ANO10: variants seen among roughly 807,000 people sequenced by gnomAD.
The protein encoded by ANO10 is anoctamin 10.
ANO10 carries 77 observed loss-of-function variants against 74.7 expected under a neutral mutation model. That is an observed-to-expected ratio of 1.03 (90% CI 0.86 to 1.25). The LOEUF is 1.25. ANO10 is among the 50% of genes most tolerant of loss of function. The pLI is 0.00. For synonymous variants in ANO10, 279 were observed against 284.9 expected (o/e 0.98, Z 0.21); for missense variants, 721 against 778.1 (o/e 0.93, Z 0.87).
intron 4 of ANO10, among the ~76,000 whole-genome samples, chr3:43,591,770 C>T (rs1387023733): frequency 6.6e-5 from 10 of 152,174 alleles, no homozygotes; most frequent in East Asian, 1.9e-4. Flanking sequence ...GTGGGTGCAG[C>T]GCACGGACAG....
chr3:43,682,610 T>G (rs897365139), intron 1 of ANO10, among the ~76,000 whole-genome samples: 7 of 152,140 alleles, frequency 4.6e-5, no homozygotes, highest in Non-Finnish European at 1.0e-4. Context: ...TACCAAAGCC[T>G]GGCAGAGACA....
intron 12 of ANO10, among the ~76,000 whole-genome samples, chr3:43,410,938 C>CCA (rs2092654639): frequency 6.6e-6 from 1 of 151,766 alleles, no homozygotes; most frequent in African/African-American, 2.4e-5. Flanking sequence ...CCTGAATAAA[C>CCA]GACTGCAGTT....
chr3:43,486,295 T>C (rs1261003157), intron 11 of ANO10, among the ~76,000 whole-genome samples: 2 of 152,216 alleles, frequency 1.3e-5, no homozygotes, highest in African/African-American at 4.8e-5. Flanking sequence ...TTAAAATCTG[T>C]TTTTGGTTCC....
At chr3:43,642,127 C>T (rs1477537043) in intron 1 of ANO10, among the ~76,000 whole-genome samples, 1 of 152,094 alleles carries the variant, frequency 6.6e-6, no homozygotes, top group Non-Finnish European at 1.5e-5. Context: ...GCTTCAAAGC[C>T]CTTTCAGTGA....
At chr3:43,433,917 TGAGAGAGATG>T (rs1236442201) in intron 11 of ANO10, among the ~76,000 whole-genome samples, 1 of 152,030 alleles carries the variant, frequency 6.6e-6, no homozygotes, top group Non-Finnish European at 1.5e-5. Flanking sequence ...AGAAAATCAA[TGAGAGAGATG>T]GAACAGCCTT....
At chr3:43,469,869 C>G (rs551736510) in intron 11 of ANO10, among the ~76,000 whole-genome samples, 1 of 152,150 alleles carries the variant, frequency 6.6e-6, no homozygotes, top group Admixed American at 6.5e-5. Flanking sequence ...GGAAGCTCCA[C>G]GAGGCAAGGA....
At chr3:43,444,788 T>C (rs553803832) in intron 11 of ANO10, among the ~76,000 whole-genome samples, 3 of 152,142 alleles carry the variant, frequency 2.0e-5, no homozygotes, top group East Asian at 3.9e-4. Flanking sequence ...CCTAAATATA[T>C]GTCAGAGTTA....
intron 8 of ANO10, among the ~76,000 whole-genome samples, chr3:43,562,550 G>A (rs55692701): frequency 0.024 from 3,632 of 149,974 alleles, 152 homozygotes; most frequent in African/African-American, 0.084. Flanking sequence ...GCGTGGTGGC[G>A]CACATCTGTA....
upstream of ANO10, among the ~76,000 whole-genome samples, chr3:43,623,837 T>A (rs1411949298): frequency 6.6e-6 from 1 of 152,220 alleles, no homozygotes. Flanking sequence ...GTGGTTATGT[T>A]CAGAAGTTCT....
At chr3:43,476,214 T>A (rs986444111) in intron 11 of ANO10, among the ~76,000 whole-genome samples, 1 of 152,312 alleles carries the variant, frequency 6.6e-6, no homozygotes, top group African/African-American at 2.4e-5. Context: ...TATTTAATCA[T>A]GTCTAAATAA....
intron 11 of ANO10, among the ~76,000 whole-genome samples, chr3:43,443,203 G>T (rs2093187261): frequency 6.6e-6 from 1 of 152,180 alleles, no homozygotes; most frequent in African/African-American, 2.4e-5. Flanking sequence ...TAGGCCTCTG[G>T]GCTGCCTGCA....
intron 12 of ANO10, among the ~76,000 whole-genome samples, chr3:43,383,129 A>C (rs1407678312): frequency 6.6e-6 from 1 of 152,184 alleles, no homozygotes; most frequent in East Asian, 1.9e-4. Flanking sequence ...TCAACAAAAT[A>C]GTAGCTAACG....
At chr3:43,598,818 G>C (rs543503173) in intron 3 of ANO10, 152 bp from the exon 4 acceptor site, 1 of 652,178 alleles carries the variant, frequency 1.5e-6, no homozygotes, top group Admixed American at 3.3e-5. Flanking sequence ...AGAACATAAA[G>C]CTCCTTAGAT....
At chr3:43,576,298 A>T (rs1322198348) in intron 6 of ANO10, among the ~76,000 whole-genome samples, 2 of 152,180 alleles carry the variant, frequency 1.3e-5, no homozygotes, top group Admixed American at 6.5e-5. Flanking sequence ...GTTATGTATT[A>T]GGAGCACAAG....
intron 12 of ANO10, among the ~76,000 whole-genome samples, chr3:43,427,484 C>A (rs1476876358): frequency 2.0e-5 from 3 of 152,176 alleles, no homozygotes; most frequent in Admixed American, 2.0e-4. Flanking sequence ...TAAAATGAGA[C>A]TTGAGTTGAA....
chr3:43,439,259 C>T (rs2093122900), intron 11 of ANO10, among the ~76,000 whole-genome samples: 1 of 151,364 alleles, frequency 6.6e-6, no homozygotes, highest in South Asian at 2.1e-4. Context: ...GAAAAAACTC[C>T]CAACCAAGAA....
intron 11 of ANO10, among the ~76,000 whole-genome samples, chr3:43,501,602 A>ATC (rs2077102888): frequency 6.6e-6 from 1 of 152,202 alleles, no homozygotes; most frequent in Non-Finnish European, 1.5e-5. Flanking sequence ...AGAGGTTGAA[A>ATC]GAGGCCAAAA....
intron 3 of ANO10, among the ~76,000 whole-genome samples, chr3:43,599,701 C>T (rs890500084): frequency 6.6e-6 from 1 of 151,882 alleles, no homozygotes; most frequent in South Asian, 2.1e-4. Flanking sequence ...GTCAGGAGAT[C>T]GAAATCATCC....
chr3:43,592,285 G>T (rs972411420), intron 4 of ANO10, among the ~76,000 whole-genome samples: 1 of 152,208 alleles, frequency 6.6e-6, no homozygotes, highest in Non-Finnish European at 1.5e-5. Context: ...ATCTGAGAAC[G>T]GACAGACTGC....
Sources: allele counts gnomAD v4.1 joint callset (sites outside exome capture counted in the v4.1 genomes callset), GRCh38; gene constraint gnomAD v4.1.1; transcripts MANE v1.5; gene names NCBI Gene and HGNC (gene_info 2026-07-23, HGNC 2026-07-21).